Variants in STT3B observed in about 807,000 individuals in gnomAD.
STT3B encodes dolichyl-diphosphooligosaccharide--protein glycosyltransferase subunit STT3B.
In STT3B, 29 loss-of-function variants were observed where a neutral mutation model predicts 96.8. The ratio of observed to expected loss-of-function variants is 0.30; its 90% CI spans 0.22 to 0.41. STT3B has a LOEUF of 0.41. Among genes scored for constraint, STT3B ranks in the 10% least tolerant of loss-of-function variants. The probability of loss-of-function intolerance (pLI) is 1.00; values close to 1 mark genes in which losing one functional copy is unlikely to be tolerated. For missense variants in STT3B, 640 were observed against 1,022.3 expected (o/e 0.63, Z 5.10); for synonymous variants, 367 against 360.0 (o/e 1.02, Z -0.22).
intron 13 of STT3B, 26 bp from the exon 14 acceptor site, chr3:31,629,272 T>A (rs757264950): frequency 1.6e-6 from 2 of 1,288,740 alleles, no homozygotes. Flanking sequence ...TGAACTAACA[T>A]AGAACTTGTG....
chr3:31,541,656 A>T (rs775292992), intron 1 of STT3B, among the ~76,000 whole-genome samples: 1 of 152,014 alleles, frequency 6.6e-6, no homozygotes, highest in African/African-American at 2.4e-5. Context: ...AGCTCACTGC[A>T]AGCTCCACCT....
chr3:31,561,082 T>C (rs1697866568), intron 1 of STT3B, among the ~76,000 whole-genome samples: 2 of 152,086 alleles, frequency 1.3e-5, no homozygotes, highest in African/African-American at 4.8e-5. Context: ...TCTTATGTTC[T>C]AGAATTTCTG....
rs1699766939 is a variant in STT3B at position 31,637,136 on chromosome 3, A to T, written c.*1072A>T. The T allele has an allele frequency of 6.6e-6, 1 of 152,210 alleles. No individual in the cohort carries two copies. Among genetic ancestry groups the T allele is most frequent in the Non-Finnish European group, 1.5e-5 (1 of 68,026 alleles). 9.4% of individuals were successfully genotyped at this position (152,210 alleles called of 1,614,324 possible). ...AAATGTGACAGTTGTCAAAAAATGC[A>T]CTAAAATGTAAATGGAGATTGAACA... On this transcript the variant is annotated 3_prime_UTR_variant, in exon 16 of 16. Transcript: ENST00000295770.
intron 14 of STT3B, among the ~76,000 whole-genome samples, chr3:31,631,181 T>G (rs1699649656): frequency 6.6e-6 from 1 of 152,236 alleles, no homozygotes; most frequent in African/African-American, 2.4e-5. Flanking sequence ...GCATATACTG[T>G]GTTCCTGTTT....
At chr3:31,586,799 A>G (rs1356974346) in intron 3 of STT3B, among the ~76,000 whole-genome samples, 1 of 152,146 alleles carries the variant, frequency 6.6e-6, no homozygotes, top group African/African-American at 2.4e-5. Flanking sequence ...ATCAGGTAGC[A>G]TGAGTAATCT....
intron 3 of STT3B, among the ~76,000 whole-genome samples, chr3:31,590,649 CTTT>C (rs1452530088): frequency 1.3e-5 from 2 of 151,900 alleles, no homozygotes; most frequent in Admixed American, 1.3e-4. Context: ...TATAATTTGT[CTTT>C]TTAAGTATAT....
chr3:31,553,068 C>G (rs998341937), intron 1 of STT3B, among the ~76,000 whole-genome samples: 1 of 147,580 alleles, frequency 6.8e-6, no homozygotes, highest in Non-Finnish European at 1.5e-5. Context: ...CGCCACTGCA[C>G]TCCAGCCTGG....
At position 31,623,729 on chromosome 3, in the gene STT3B, G is replaced by T; in HGVS notation, c.1595G>T (p.Gly532Val). ...CAGGAAAAAACTGAAGAGGGATTAG[G>T]CCCTAATATAAAAAGCATTGTCACC... The part of the protein sequence containing the change: ...TEQEKTEEGL[G>V]PNIKSIVTML... Residue 532 changes from glycine to valine, a missense_variant, in exon 11 of 16, where the codon GGC becomes GTC. Transcript: ENST00000295770. The T allele has an allele frequency of 1.2e-6, 2 of 1,613,826 alleles. No homozygotes were observed. Among genetic ancestry groups the T allele is most frequent in the Non-Finnish European group, 1.7e-6 (2 of 1,179,876 alleles).
At chr3:31,562,549 G>A (rs1183641897) in intron 1 of STT3B, among the ~76,000 whole-genome samples, 1 of 152,170 alleles carries the variant, frequency 6.6e-6, no homozygotes, top group Non-Finnish European at 1.5e-5. Flanking sequence ...TTTGTGGGTG[G>A]AATGCTCAGG....
chr3:31,570,235 G>T (rs1325356719), intron 1 of STT3B, among the ~76,000 whole-genome samples: 1 of 152,132 alleles, frequency 6.6e-6, no homozygotes, highest in Non-Finnish European at 1.5e-5. Context: ...ATGCTAAAAA[G>T]GAGTAATTAG....
At chr3:31,590,603 T>G (rs1459868260) in intron 3 of STT3B, among the ~76,000 whole-genome samples, 1 of 152,046 alleles carries the variant, frequency 6.6e-6, no homozygotes, top group African/African-American at 2.4e-5. Context: ...CTTTTTTTTG[T>G]TGATTTCTAA....
At chr3:31,535,779 A>G (rs748768599) in intron 1 of STT3B, among the ~76,000 whole-genome samples, 27 of 152,220 alleles carry the variant, frequency 1.8e-4, no homozygotes, top group Non-Finnish European at 3.1e-4. Context: ...CGCATTTCTG[A>G]CACATTATCA....
intron 1 of STT3B, among the ~76,000 whole-genome samples, chr3:31,537,690 G>A (rs537028721): frequency 4.6e-5 from 7 of 152,084 alleles, no homozygotes. Context: ...TGAGTAGTTT[G>A]CATAAAGACA....
chr3:31,543,767 T>A (rs774738504), intron 1 of STT3B, among the ~76,000 whole-genome samples: 2 of 152,188 alleles, frequency 1.3e-5, no homozygotes, highest in Non-Finnish European at 2.9e-5. Context: ...GGGAGATGAA[T>A]GGCTGGATGG....
intron 1 of STT3B, among the ~76,000 whole-genome samples, chr3:31,571,347 A>G (rs188496313): frequency 2.0e-5 from 3 of 151,876 alleles, no homozygotes; most frequent in African/African-American, 7.2e-5. Flanking sequence ...TATGCCTTCA[A>G]TACTTTGGTG....
At chr3:31,578,679 TC>T (rs1197400958) in intron 2 of STT3B, among the ~76,000 whole-genome samples, 10 of 151,874 alleles carry the variant, frequency 6.6e-5, no homozygotes, top group South Asian at 4.1e-4. Context: ...TTTTTTTTCC[TC>T]CCCCTCCCCC....
rs192303675 is a variant in STT3B at position 31,607,664 on chromosome 3, G to A, written c.877+7205G>A. 2.6e-5 allele frequency among the ~76,000 whole-genome samples: 4 copies of A among 152,204 alleles called. No individual in the cohort carries two copies. The East Asian group carries it at 7.7e-4, about 29-fold the overall frequency. ...AGACTGATCCAAGTGTTATATAATTGAATAAATGTATATAGTTGAAAAAGT... is the reference window on the plus strand; with the variant it reads ...AGACTGATCCAAGTGTTATATAATTAAATAAATGTATATAGTTGAAAAAGT... On this transcript the variant is annotated intron_variant, in intron 5 of 15. Transcript: ENST00000295770.
At chr3:31,612,214 G>A (rs1247194209) in intron 5 of STT3B, among the ~76,000 whole-genome samples, 1 of 152,116 alleles carries the variant, frequency 6.6e-6, no homozygotes, top group Non-Finnish European at 1.5e-5. Flanking sequence ...TTTTAGATAA[G>A]GGATATTCAA....
At chr3:31,577,317 T>G (rs57190202) in intron 2 of STT3B, among the ~76,000 whole-genome samples, 8,290 of 152,126 alleles carry the variant, frequency 0.054, 768 homozygotes, top group African/African-American at 0.19. Flanking sequence ...AGATGCATTT[T>G]AAGCCTAGAA....
Sources: allele counts gnomAD v4.1 joint callset (sites outside exome capture counted in the v4.1 genomes callset), GRCh38; gene constraint gnomAD v4.1.1; transcripts MANE v1.5; gene names NCBI Gene and HGNC (gene_info 2026-07-23, HGNC 2026-07-21).